The following KLF12 variants were observed in gnomAD, a reference collection of about 807,000 sequenced individuals.
The protein encoded by KLF12 is KLF transcription factor 12, also known as Krueppel-like factor 12.
Under a neutral mutation model 37.8 loss-of-function variants are expected in KLF12, and 9 were observed. The observed-to-expected ratio is 0.24, with a 90% CI of 0.14 to 0.42. The LOEUF (loss-of-function observed/expected upper bound fraction) is 0.42. Ranked by LOEUF, KLF12 falls within the 10% of genes least tolerant of loss-of-function variation. The pLI, the probability that KLF12 is intolerant of heterozygous loss-of-function variation, is 1.00. For missense variants in KLF12, 411 were observed against 516.0 expected (o/e 0.80, Z 1.97); for synonymous variants, 208 against 202.1 (o/e 1.03, Z -0.25).
At position 73,695,262 on chromosome 13, in the gene KLF12, A is replaced by G. The variant is rs1405048225; in HGVS notation, c.*228T>C. The G allele has an allele frequency of 1.9e-6, 1 of 519,844 alleles. No individual in the cohort carries two copies. Among genetic ancestry groups the G allele is most frequent in the Non-Finnish European group, 3.4e-6 (1 of 291,134 alleles). The allele number at this position is 519,844 out of a possible 1,614,324, so 32.2% of individuals were successfully genotyped here. Reference sequence around the variant, plus strand: ...GGAAAACAATGCCTGTCTCTTCAGCATTTATGTCACTGAGCTCCCAGGCCC... The same window carrying G: ...GGAAAACAATGCCTGTCTCTTCAGCGTTTATGTCACTGAGCTCCCAGGCCC... On this transcript the variant is annotated 3_prime_UTR_variant, in exon 8 of 8. Coordinates refer to ENST00000377669, the MANE Select transcript of KLF12 (RefSeq NM_007249.5).
chr13:74,269,992 C>T, the KLF12 span, among the ~76,000 whole-genome samples: 1 of 152,128 alleles, frequency 6.6e-6, no homozygotes, highest in Non-Finnish European at 1.5e-5. Context: ...GTGGAGGTGG[C>T]AGTTATGTCC....
chr13:73,738,106 T>TACACACACATATATGTATGTGTAC (rs1223436241), intron 6 of KLF12, among the ~76,000 whole-genome samples: 4 of 106,634 alleles, frequency 3.8e-5, no homozygotes, highest in African/African-American at 1.7e-4. Flanking sequence ...TATATATATA[T>TACACACACATATATGTATGTGTAC]ATATATATAT....
chr13:74,140,719 A>G, the KLF12 span, among the ~76,000 whole-genome samples: 362 of 152,098 alleles, frequency 2.4e-3, 1 homozygote, highest in African/African-American at 8.5e-3. Flanking sequence ...TAGCCTCGCT[A>G]AGAAATCATG....
chr13:74,139,424 G>A, the KLF12 span, among the ~76,000 whole-genome samples: 3 of 152,132 alleles, frequency 2.0e-5, no homozygotes, highest in Non-Finnish European at 4.4e-5. Flanking sequence ...AATGATATAC[G>A]TTAAAACACA....
At chr13:74,195,621 T>C in the KLF12 span, among the ~76,000 whole-genome samples, 1 of 152,180 alleles carries the variant, frequency 6.6e-6, no homozygotes, top group Non-Finnish European at 1.5e-5. Context: ...TGTTTTGAGA[T>C]GGGTTCTCAC....
chr13:73,940,480 G>A (rs919338762), intron 3 of KLF12, among the ~76,000 whole-genome samples: 3 of 152,042 alleles, frequency 2.0e-5, no homozygotes, highest in Admixed American at 6.6e-5. Context: ...ACACCTATCC[G>A]GTTCACATGG....
intron 4 of KLF12, among the ~76,000 whole-genome samples, chr13:73,814,272 G>C (rs986647495): frequency 6.6e-6 from 1 of 152,136 alleles, no homozygotes; most frequent in African/African-American, 2.4e-5. Flanking sequence ...AAGGCAAAAT[G>C]CAGGTGAAAT....
At chr13:73,706,912 C>T (rs1874993211) in intron 7 of KLF12, among the ~76,000 whole-genome samples, 1 of 152,092 alleles carries the variant, frequency 6.6e-6, no homozygotes, top group Non-Finnish European at 1.5e-5. Flanking sequence ...TGCTTTTGGT[C>T]CACATCTTCT....
rs186409660 is a variant in KLF12 at position 74,051,095 on chromosome 13, T to C, written c.-31-56042A>G. On this transcript the variant is annotated intron_variant, in intron 1 of 7. Coordinates refer to ENST00000377669, the MANE Select transcript of KLF12 (RefSeq NM_007249.5). Reference sequence around the variant, plus strand: ...TTTACACTGCTGGTGGGAACAGAAATTACAACAGCCATTACAGAAAAGTGT... The same window carrying C: ...TTTACACTGCTGGTGGGAACAGAAACTACAACAGCCATTACAGAAAAGTGT... Among the ~76,000 whole-genome samples the C allele has an allele frequency of 1.1e-4, 17 of 152,180 alleles. No homozygotes were observed. The East Asian group carries it at 3.1e-3, about 28-fold the overall frequency.
chr13:73,998,682 T>C (rs1264115927), intron 1 of KLF12, among the ~76,000 whole-genome samples: 2 of 152,234 alleles, frequency 1.3e-5, no homozygotes, highest in Non-Finnish European at 2.9e-5. Flanking sequence ...CAGTCTGTGA[T>C]GTTATGTAAC....
chr13:74,157,064 C>T, the KLF12 span, among the ~76,000 whole-genome samples: 10 of 151,928 alleles, frequency 6.6e-5, no homozygotes, highest in East Asian at 3.9e-4. Context: ...GTTGTTTTAC[C>T]GCTTTCCTTT....
At chr13:74,005,177 GA>G (rs1314713593) in intron 1 of KLF12, among the ~76,000 whole-genome samples, 3 of 152,040 alleles carry the variant, frequency 2.0e-5, no homozygotes, top group Non-Finnish European at 4.4e-5. Context: ...GTACTGCTAT[GA>G]ACATAATATT....
intron 5 of KLF12, among the ~76,000 whole-genome samples, chr13:73,789,673 CTTTTT>C (rs376606853): frequency 1.1e-4 from 15 of 141,758 alleles, no homozygotes; most frequent in Admixed American, 2.1e-4. Context: ...TATCTCTAAT[CTTTTT>C]TTTTTTTTTT....
At chr13:74,279,217 G>C in the KLF12 span, among the ~76,000 whole-genome samples, 1 of 152,152 alleles carries the variant, frequency 6.6e-6, no homozygotes, top group Admixed American at 6.6e-5. Flanking sequence ...ATAATGGGAC[G>C]TAGGAAGCCC....
chr13:73,960,300 C>T, intron 2 of KLF12: 1 of 254,534 alleles, frequency 3.9e-6, no homozygotes, highest in Non-Finnish European at 8.7e-6. Context: ...GCATATGAGA[C>T]AGAAAAAGCA....
At chr13:74,049,487 T>G (rs996987212) in intron 1 of KLF12, among the ~76,000 whole-genome samples, 9 of 152,248 alleles carry the variant, frequency 5.9e-5, no homozygotes, top group African/African-American at 2.2e-4. Flanking sequence ...ACACAGAGAT[T>G]ACAGACATTA....
intron 5 of KLF12, among the ~76,000 whole-genome samples, chr13:73,802,971 A>T (rs1219624102): frequency 6.6e-6 from 1 of 152,240 alleles, no homozygotes; most frequent in Non-Finnish European, 1.5e-5. Context: ...TAAACAGAAC[A>T]AATACCTATA....
At chr13:74,016,490 T>C (rs1892691256) in intron 1 of KLF12, among the ~76,000 whole-genome samples, 1 of 152,146 alleles carries the variant, frequency 6.6e-6, no homozygotes, top group South Asian at 2.1e-4. Context: ...GCCTCCTAAG[T>C]AGCTAGGAGT....
intron 1 of KLF12, among the ~76,000 whole-genome samples, chr13:74,110,484 T>C (rs895746938): frequency 3.3e-5 from 5 of 152,202 alleles, no homozygotes; most frequent in Non-Finnish European, 7.4e-5. Flanking sequence ...CTAATAACAA[T>C]ACCATCTACT....
Sources: allele counts gnomAD v4.1 joint callset (sites outside exome capture counted in the v4.1 genomes callset), GRCh38; gene constraint gnomAD v4.1.1; transcripts MANE v1.5; gene names NCBI Gene and HGNC (gene_info 2026-07-23, HGNC 2026-07-21).